Variants in NEK11 observed in about 807,000 individuals in gnomAD.
NEK11 encodes NIMA related kinase 11.
In NEK11, 72 loss-of-function variants were observed where a neutral mutation model predicts 80.7. The observed-to-expected ratio is 0.89, with a 90% CI of 0.74 to 1.08. The LOEUF is 1.08. NEK11 is among the 50% of genes least tolerant of loss of function. The pLI, the probability that NEK11 is intolerant of heterozygous loss-of-function variation, is 0.00. For synonymous variants in NEK11, 251 were observed against 260.7 expected (o/e 0.96, Z 0.36); for missense variants, 764 against 763.6 (o/e 1.00, Z -0.01).
At chr3:131,185,545 A>G (rs1410679337) in intron 14 of NEK11, among the ~76,000 whole-genome samples, 1 of 152,086 alleles carries the variant, frequency 6.6e-6, no homozygotes, top group East Asian at 1.9e-4. Context: ...ACCAACTCAA[A>G]TGCTCAACTG....
chr3:131,191,011 C>G (rs896708520), intron 14 of NEK11, among the ~76,000 whole-genome samples: 1 of 152,092 alleles, frequency 6.6e-6, no homozygotes, highest in African/African-American at 2.4e-5. Flanking sequence ...TGACTGCAGC[C>G]TCTTCACATT....
At chr3:131,231,279 C>A (rs989754746) in intron 15 of NEK11, among the ~76,000 whole-genome samples, 2 of 149,852 alleles carry the variant, frequency 1.3e-5, no homozygotes, top group African/African-American at 2.5e-5. Flanking sequence ...TCTGCTCACT[C>A]TAATTGAGGA....
At chr3:131,055,553 T>G (rs1264879618) in intron 3 of NEK11, among the ~76,000 whole-genome samples, 1 of 152,078 alleles carries the variant, frequency 6.6e-6, no homozygotes, top group Non-Finnish European at 1.5e-5. Flanking sequence ...CTGGGCAACA[T>G]AGTAGGACCC....
Position 131,168,327 on chromosome 3 carries a change from T to C in NEK11, c.1177-503T>C, listed in dbSNP as rs571689038. On this transcript the variant is annotated intron_variant, in intron 12 of 17. Coordinates refer to ENST00000383366, the MANE Select transcript of NEK11 (RefSeq NM_024800.5). Reference sequence around the variant, plus strand: ...AATTAGTCCAGGGTGCAGCCTGAGATGTTGCATTTCTTTTTTTTTTTTTAT... The same window carrying C: ...AATTAGTCCAGGGTGCAGCCTGAGACGTTGCATTTCTTTTTTTTTTTTTAT... 3.4e-5 allele frequency among the ~76,000 whole-genome samples: 5 copies of C among 148,816 alleles called. No individual in the cohort carries two copies. The South Asian group carries it at 8.6e-4, about 25-fold the overall frequency.
intron 17 of NEK11, among the ~76,000 whole-genome samples, chr3:131,284,573 G>T (rs1025813030): frequency 6.6e-6 from 1 of 152,164 alleles, no homozygotes; most frequent in Admixed American, 6.5e-5. Context: ...GTCTGTGAGG[G>T]TGTTGCCAAA....
chr3:131,125,452 A>G (rs1037952351), intron 5 of NEK11, among the ~76,000 whole-genome samples: 3 of 152,184 alleles, frequency 2.0e-5, no homozygotes, highest in Admixed American at 2.0e-4. Context: ...GAGAGTGATC[A>G]TTTACTGAGA....
Position 131,228,691 on chromosome 3 carries a change from A to G in NEK11, c.1560+3A>G. 6 of 1,611,878 alleles carry G rather than the reference A, an allele frequency of 3.7e-6. No individual in the cohort carries two copies. The highest frequency in any genetic ancestry group is 4.2e-6 in the Non-Finnish European group (5 of 1,178,752). ...CTGCTTACAGAACAAACCAACAGGT[A>G]TGTAATGCTCCCTGTCGGAAGCCAT... On this transcript the variant is annotated splice_donor_region_variant and intron_variant, in intron 15 of 17. Transcript: ENST00000383366.
chr3:131,063,103 C>G (rs1031736055), intron 3 of NEK11, among the ~76,000 whole-genome samples: 2 of 152,202 alleles, frequency 1.3e-5, no homozygotes, highest in Non-Finnish European at 2.9e-5. Flanking sequence ...CTGCTCACTG[C>G]AGCCTCAAAC....
intron 17 of NEK11, among the ~76,000 whole-genome samples, chr3:131,313,960 A>G (rs1053996662): frequency 6.6e-6 from 1 of 152,188 alleles, no homozygotes; most frequent in Admixed American, 6.6e-5. Flanking sequence ...TTTCAGTACA[A>G]TATATTGGGA....
At chr3:131,240,509 T>C (rs2095503522) in intron 15 of NEK11, among the ~76,000 whole-genome samples, 1 of 151,844 alleles carries the variant, frequency 6.6e-6, no homozygotes, top group South Asian at 2.1e-4. Flanking sequence ...TGTATACATT[T>C]GACACATAAT....
intron 17 of NEK11, among the ~76,000 whole-genome samples, chr3:131,324,362 C>T (rs953500617): frequency 1.3e-5 from 2 of 152,208 alleles, no homozygotes; most frequent in African/African-American, 4.8e-5. Flanking sequence ...TCACTCTTAA[C>T]TAAGGAAGCT....
chr3:131,234,192 A>T (rs1417125039), intron 15 of NEK11, among the ~76,000 whole-genome samples: 2 of 152,232 alleles, frequency 1.3e-5, no homozygotes, highest in Admixed American at 1.3e-4. Flanking sequence ...GTGCTGAGTT[A>T]TGAAAAGTAA....
At chr3:131,169,815 A>G (rs1406155668) in intron 13 of NEK11, among the ~76,000 whole-genome samples, 1 of 152,200 alleles carries the variant, frequency 6.6e-6, no homozygotes, top group Non-Finnish European at 1.5e-5. Context: ...GAGTCCAAAT[A>G]CATACTTATT....
intron 15 of NEK11, among the ~76,000 whole-genome samples, chr3:131,243,102 A>C (rs1177132986): frequency 6.6e-6 from 1 of 152,170 alleles, no homozygotes; most frequent in East Asian, 1.9e-4. Flanking sequence ...TTATAGATTT[A>C]ATATGTATTT....
At chr3:131,218,514 G>A (rs1307896855) in intron 14 of NEK11, among the ~76,000 whole-genome samples, 7 of 152,214 alleles carry the variant, frequency 4.6e-5, no homozygotes, top group Admixed American at 1.3e-4. Context: ...CAATTCTGTG[G>A]AGAATAGAGT....
chr3:131,182,947 A>C (rs1191103235), intron 14 of NEK11, among the ~76,000 whole-genome samples: 1 of 152,194 alleles, frequency 6.6e-6, no homozygotes, highest in Non-Finnish European at 1.5e-5. Context: ...TCTACCTCCC[A>C]CAAATCCATT....
chr3:131,071,734 A>T lies in NEK11; in HGVS notation c.171-8689A>T, dbSNP rs529071215. Among the ~76,000 whole-genome samples the T allele has an allele frequency of 2.0e-3, 305 of 152,058 alleles. 2 individuals carry two copies. Among genetic ancestry groups the T allele is most frequent in the Non-Finnish European group, 3.8e-3 (260 of 67,984 alleles). On this transcript the variant is annotated intron_variant, in intron 3 of 17. Transcript: ENST00000383366. The stretch of plus-strand genomic sequence containing the variant: ...GTCCCCCAGTTTTTTTTCTCACAAT[A>T]GGTTCATTTCTGTGTAGTTCACTGT...
intron 2 of NEK11, among the ~76,000 whole-genome samples, chr3:131,028,291 G>T (rs2064205885): frequency 1.3e-5 from 2 of 152,182 alleles, no homozygotes; most frequent in South Asian, 4.1e-4. Flanking sequence ...TGCCCTAGTA[G>T]TTTTTGTGGT....
At chr3:131,087,064 G>A (rs1390017077) in intron 4 of NEK11, among the ~76,000 whole-genome samples, 2 of 151,948 alleles carry the variant, frequency 1.3e-5, no homozygotes, top group Non-Finnish European at 2.9e-5. Flanking sequence ...TTTTCTCCTA[G>A]TAGATTTTCA....
Sources: gnomAD v4.1 joint callset for allele counts (sites outside exome capture counted in the v4.1 genomes callset) on GRCh38, gnomAD v4.1.1 for gene constraint, MANE v1.5 for transcripts, NCBI Gene and HGNC (gene_info 2026-07-23, HGNC 2026-07-21) for gene names.